MUS81: variants seen among roughly 807,000 people sequenced by gnomAD.
MUS81 encodes the protein structure-specific endonuclease subunit MUS81.
MUS81 carries 69 observed loss-of-function variants against 74.2 expected under a neutral mutation model. The ratio of observed to expected loss-of-function variants is 0.93; its 90% CI spans 0.77 to 1.14. The LOEUF (loss-of-function observed/expected upper bound fraction) is 1.14, where lower values mean the gene tolerates loss of function less well. Among genes scored for constraint, MUS81 ranks in the 50% most tolerant of loss-of-function variants. MUS81 has a pLI of 0.00. For synonymous variants in MUS81, 303 were observed against 300.6 expected, an observed-to-expected ratio of 1.01 and a Z score of -0.08; for missense variants, 711 against 726.5, an observed-to-expected ratio of 0.98 and a Z score of 0.25.
upstream of MUS81, chr11:65,860,405 A>C (rs1859540271): frequency 2.0e-6 from 1 of 497,496 alleles, no homozygotes; most frequent in African/African-American, 1.9e-5. Flanking sequence ...TCTCGCCTAC[A>C]CAAAGACCCC....
chr11:65,863,496 C>CCCGGGG lies in MUS81; in HGVS notation c.834_839dup (p.Arg279_Gly280dup), dbSNP rs1859694126. Reference sequence around the variant, plus strand: ...CTGTTGTGTGTGGACATTGGCGAGACCCGGGGGTGAGTGAGGTGGGGAGAA... The same window carrying CCCGGGG: ...CTGTTGTGTGTGGACATTGGCGAGACCCGGGGCCGGGGGTGAGTGAGGTGGGGAGAA... On this transcript the variant is annotated inframe_insertion, in exon 8 of 16. Transcript: ENST00000308110. The CCCGGGG allele has an allele frequency of 1.2e-6, 2 of 1,613,944 alleles. No individual in the cohort carries two copies. Among genetic ancestry groups the CCCGGGG allele is most frequent in the Admixed American group, 1.7e-5 (1 of 59,992 alleles).
Position 65,864,593 on chromosome 11 carries a change from C to T in MUS81, c.1156C>T (p.Gln386Ter). ...CAGCCTTCCTGAGAGCACACTGCTG[C>T]AGGCTGTCACCAACACTCAGGTGAG... Reference protein sequence around the residue: ...NLSLPESTLLQAVTNTQVIDG... With the variant: ...NLSLPESTLL The change falls in exon 11 of 16, where the codon CAG (glutamine) becomes TAG (stop). Residue 386 changes from glutamine to a stop codon, truncating the protein, a stop_gained. Transcript: ENST00000308110. LOFTEE classifies it high-confidence loss of function. 4 of 1,614,104 alleles carry T rather than the reference C, an allele frequency of 2.5e-6. No homozygotes were observed. Among genetic ancestry groups the T allele is most frequent in the African/African-American group, 1.3e-5 (1 of 75,048 alleles).
In MUS81 at chr11:65,865,164, T is replaced by G; in HGVS notation, c.1401+19T>G. 1 of 1,614,212 alleles carries G rather than the reference T, an allele frequency of 6.2e-7. No individual in the cohort carries two copies. Among genetic ancestry groups the G allele is most frequent in the Non-Finnish European group, 8.5e-7 (1 of 1,180,026 alleles). ...GAATAAGGTACTGTCTCTGCCTAGC[T>G]TCTCAGACATGGCCTGGCCCAGACC... On this transcript the variant is annotated intron_variant, in intron 13 of 15. Transcript: ENST00000308110.
chr11:65,864,885 C>G, intron 12 of MUS81, 70 bp downstream of exon 12: 1 of 1,578,048 alleles, frequency 6.3e-7, no homozygotes. Flanking sequence ...GGGCCCTGTG[C>G]ATCCCCAAAA....
In MUS81 at chr11:65,864,748, C is replaced by T. The variant is rs763891150; in HGVS notation, c.1205C>T (p.Thr402Ile). The T allele has an allele frequency of 1.5e-4, 237 of 1,613,980 alleles. 1 individual carries two copies. The highest frequency in any genetic ancestry group is 1.9e-4 in the Non-Finnish European group (221 of 1,180,016). Residue 402 changes from threonine (T) to isoleucine (I), a missense_variant, in exon 12 of 16, where the codon ACA becomes ATA. Thr to Ile is a moderately conservative substitution (Grantham distance 89). Transcript: ENST00000308110. ...QVIDGFFVKR[T>I]ADIKESAAYL... ...ATTGATGGCTTTTTTGTGAAGCGCA[C>T]AGCAGACATTAAGGAGTCAGCCGCC...
At chr11:65,863,344 A>C (rs1859685961) in intron 7 of MUS81, 66 bp from the exon 8 acceptor site, 1 of 1,602,234 alleles carries the variant, frequency 6.2e-7, no homozygotes, top group African/African-American at 1.3e-5. Flanking sequence ...GTCGGGTGGC[A>C]TGGGTGTGGG....
rs1859673385 is a variant in MUS81, at chr11:65,863,067, A to T, written c.608A>T (p.Tyr203Phe). The stretch of plus-strand genomic sequence containing the variant: ...GTGTTGTCCCCTCTGCCTCCCAGGT[A>T]CTCATTGACCCCAGAGGGCCTGGAG... ...LVLRTHQPARYSLTPEGLELA... is the reference protein window; with the variant it reads ...LVLRTHQPARFSLTPEGLELA... Residue 203 changes from tyrosine to phenylalanine, a missense_variant and splice_region_variant, in exon 7 of 16, where the codon TAC becomes TTC. Physicochemically the swap from Tyr to Phe is conservative, Grantham distance 22 (BLOSUM62 3). Coordinates refer to ENST00000308110, the MANE Select transcript of MUS81 (RefSeq NM_025128.5). 1 of 1,614,004 alleles carries T rather than the reference A, an allele frequency of 6.2e-7. No individual in the cohort carries two copies. Among genetic ancestry groups the T allele is most frequent in the South Asian group, 1.1e-5 (1 of 91,092 alleles).
At chr11:65,867,309 G>T, downstream of MUS81, 1 of 591,374 alleles carries the variant, frequency 1.7e-6, no homozygotes. Flanking sequence ...TCTCCAGCCT[G>T]CTCTGTCTGA....
rs776855811 is a variant in MUS81, at chr11:65,864,597, C to T, written c.1160C>T (p.Ala387Val). ...LSLPESTLLQAVTNTQVIDGF... is the reference protein window; with the variant it reads ...LSLPESTLLQVVTNTQVIDGF... ...CTTCCTGAGAGCACACTGCTGCAGGCTGTCACCAACACTCAGGTGAGCTGG... is the reference window on the plus strand; with the variant it reads ...CTTCCTGAGAGCACACTGCTGCAGGTTGTCACCAACACTCAGGTGAGCTGG... Residue 387 changes from alanine (A) to valine (V), a missense_variant, in exon 11 of 16, where the codon GCT becomes GTT. Transcript: ENST00000308110. 6.2e-7 allele frequency: 1 copy of T among 1,614,094 alleles called. No homozygotes were observed. Among genetic ancestry groups the T allele is most frequent in the Non-Finnish European group, 8.5e-7 (1 of 1,179,990 alleles).
At position 65,865,097 on chromosome 11, in the gene MUS81, C is replaced by G. The variant is rs199989607; in HGVS notation, c.1353C>G (p.Cys451Trp). The G allele has an allele frequency of 1.2e-6, 2 of 1,614,196 alleles. No homozygotes were observed. Among genetic ancestry groups the G allele is most frequent in the Non-Finnish European group, 8.5e-7 (1 of 1,180,040 alleles). ...CCATGACCTCTCCAAACCCTCTCTG[C>G]TCACTCCTCACCTTCAGTGACTTCA... ...SGAMTSPNPLCSLLTFSDFNA... is the reference protein window; with the variant it reads ...SGAMTSPNPLWSLLTFSDFNA... The change falls in exon 13 of 16, where the codon TGC becomes TGG. Residue 451 changes from cysteine (C) to tryptophan (W), a missense_variant. Coordinates refer to ENST00000308110, the MANE Select transcript of MUS81 (RefSeq NM_025128.5).
At position 65,861,090 on chromosome 11, in the gene MUS81, C is replaced by G. The variant is rs1211738573; in HGVS notation, c.253C>G (p.Arg85Gly). The G allele has an allele frequency of 1.2e-6, 2 of 1,612,508 alleles. No individual in the cohort carries two copies. Among genetic ancestry groups the G allele is most frequent in the South Asian group, 1.1e-5 (1 of 91,076 alleles). Residue 85 changes from arginine (R) to glycine (G), a missense_variant, in exon 2 of 16, where the codon CGA becomes GGA. Coordinates refer to ENST00000308110, the MANE Select transcript of MUS81 (RefSeq NM_025128.5). ...GCTGGACGAGCGGCTGCAGCGGCACCGAACATCGGGCGGTGAGCGCCTCGG... is the reference window on the plus strand; with the variant it reads ...GCTGGACGAGCGGCTGCAGCGGCACGGAACATCGGGCGGTGAGCGCCTCGG... ...RMLDERLQRH[R>G]TSGGDHAPDS...
At chr11:65,862,124 G>A (rs1476712224) in intron 4 of MUS81, 79 bp downstream of exon 4, 3 of 1,585,348 alleles carry the variant, frequency 1.9e-6, no homozygotes, top group Non-Finnish European at 2.6e-6. Context: ...CCCAGGCAGG[G>A]CAGGCAAAGA....
Position 65,866,040 on chromosome 11 carries a change from C to A in MUS81, c.1644C>A (p.Gly548=). The part of the protein sequence containing the change: ...RTLSQLYCSY[G]PLT ...TATCCCAGCTCTACTGCAGCTACGG[C>A]CCCTTGACCTGAGCTTATGCCGTGA... The change falls in exon 16 of 16, where the codon GGC becomes GGA. Residue 548 remains glycine (G), a synonymous_variant. Transcript: ENST00000308110. 6.2e-7 allele frequency: 1 copy of A among 1,614,012 alleles called. No individual in the cohort carries two copies. The highest frequency in any genetic ancestry group is 1.1e-5 in the South Asian group (1 of 91,074).
rs1341135098 is a variant in MUS81 at position 65,864,489 on chromosome 11, T to C, written c.1060-8T>C. 1 of 1,612,574 alleles carries C rather than the reference T, an allele frequency of 6.2e-7. No homozygotes were observed. Reference sequence around the variant, plus strand: ...GACCCTCCCTGTCCACTCTGTACACTTCCCTAGTTCCGGCTGAAGCGCTGT... The same window carrying C: ...GACCCTCCCTGTCCACTCTGTACACCTCCCTAGTTCCGGCTGAAGCGCTGT... On this transcript the variant is annotated splice_region_variant and splice_polypyrimidine_tract_variant and intron_variant, in intron 10 of 15. Transcript: ENST00000308110.
chr11:65,867,257 G>C, downstream of MUS81: 1 of 681,116 alleles, frequency 1.5e-6, no homozygotes, highest in Non-Finnish European at 2.5e-6. Flanking sequence ...CCCCACCCAG[G>C]CTCCTGCCCT....
Position 65,860,566 on chromosome 11 carries a change from G to T in MUS81, c.-188G>T. 1 of 715,610 alleles carries T rather than the reference G, an allele frequency of 1.4e-6. No homozygotes were observed. Among genetic ancestry groups the T allele is most frequent in the Non-Finnish European group, 2.3e-6 (1 of 429,624 alleles). The allele number at this position is 715,610 out of a possible 1,614,324, so 44.3% of individuals were successfully genotyped here. On this transcript the variant is annotated 5_prime_UTR_variant, in exon 1 of 16. Transcript: ENST00000308110. Reference sequence around the variant, plus strand: ...ACCACTTAGAGCAGCGCAGGGGTGGGAGGGCGGCCGCAGGCTCTCCTCTCG... The same window carrying T: ...ACCACTTAGAGCAGCGCAGGGGTGGTAGGGCGGCCGCAGGCTCTCCTCTCG...
chr11:65,863,324 G>A, intron 7 of MUS81, 86 bp from the exon 8 acceptor site: 1 of 1,589,656 alleles, frequency 6.3e-7, no homozygotes, highest in Non-Finnish European at 8.6e-7. Flanking sequence ...ACTGTGGGTG[G>A]GTGGTGGGTG....
chr11:65,860,415 C>T, upstream of MUS81: 6 of 506,400 alleles, frequency 1.2e-5, no homozygotes, highest in South Asian at 9.7e-5. Flanking sequence ...ACAAAGACCC[C>T]GCTCTCGAAT....
Position 65,862,013 on chromosome 11 carries a change from G to C in MUS81, c.418G>C (p.Val140Leu). 1 of 1,610,848 alleles carries C rather than the reference G, an allele frequency of 6.2e-7. No homozygotes were observed. Residue 140 changes from valine (V) to leucine (L), a missense_variant, in exon 4 of 16, where the codon GTG (valine) becomes CTG (leucine). By Grantham distance (32) the Val-to-Leu change is conservative. Coordinates refer to ENST00000308110, the MANE Select transcript of MUS81 (RefSeq NM_025128.5). ...YWPARHSGARVILLVLYREHL... is the reference protein window; with the variant it reads ...YWPARHSGARLILLVLYREHL... ...GCCAGCTCGGCACTCAGGAGCCCGA[G>C]TGATACTGCTGGTGCTCTACCGGGA...
Sources: allele counts gnomAD v4.1 joint callset, GRCh38; gene constraint gnomAD v4.1.1; transcripts MANE v1.5; gene names NCBI Gene and HGNC (gene_info 2026-07-23, HGNC 2026-07-21).